Variants in PHYHIPL observed in about 807,000 individuals in gnomAD.
PHYHIPL encodes phytanoyl-CoA hydroxylase-interacting protein-like.
PHYHIPL carries 9 observed loss-of-function variants against 33.4 expected under a neutral mutation model. The ratio of observed to expected loss-of-function variants is 0.27; its 90% confidence interval spans 0.16 to 0.47. PHYHIPL has a LOEUF of 0.47. Ranked by LOEUF, PHYHIPL falls within the 20% of genes least tolerant of loss-of-function variation. The probability of loss-of-function intolerance (pLI) is 0.99; values close to 1 mark genes in which losing one functional copy is unlikely to be tolerated. For synonymous variants in PHYHIPL, 153 were observed against 154.1 expected (o/e 0.99, Z 0.05); for missense variants, 365 against 460.7 (o/e 0.79, Z 1.90).
In PHYHIPL at chr10:59,214,985, T is replaced by C. The variant is rs1839574870; in HGVS notation, c.107-19319T>C. 3.9e-5 allele frequency among the ~76,000 whole-genome samples: 6 copies of C among 152,014 alleles called. No individual in the cohort carries two copies. The South Asian group carries it at 1.2e-3, about 31-fold the overall frequency. On this transcript the variant is annotated intron_variant, in intron 1 of 4. Transcript: ENST00000373880. ...GATGAATGTTTGTAGAGAGGAGAAT[T>C]GAGGGCTGGGTGTTGAAGTAAGTAG...
At chr10:59,182,051 T>C (rs561061116) in intron 1 of PHYHIPL, among the ~76,000 whole-genome samples, 4 of 152,232 alleles carry the variant, frequency 2.6e-5, no homozygotes, top group Non-Finnish European at 5.9e-5. Flanking sequence ...CTCTAACTTA[T>C]GTGAGTATAC....
chr10:59,186,154 G>A (rs1013383483), intron 1 of PHYHIPL, among the ~76,000 whole-genome samples: 15 of 152,136 alleles, frequency 9.9e-5, no homozygotes, highest in Non-Finnish European at 2.2e-4. Context: ...AAGGTGTAAG[G>A]AAGGGATCCA....
At chr10:59,175,542 G>A (rs2060928621), upstream of PHYHIPL, among the ~76,000 whole-genome samples, 2 of 152,036 alleles carry the variant, frequency 1.3e-5, no homozygotes, top group African/African-American at 4.8e-5. Flanking sequence ...AGAAAAGAGG[G>A]GACACTATTT....
intron 1 of PHYHIPL, among the ~76,000 whole-genome samples, chr10:59,212,524 A>T (rs1018433396): frequency 6.6e-6 from 1 of 152,176 alleles, no homozygotes; most frequent in Non-Finnish European, 1.5e-5. Flanking sequence ...AGCCATTCAA[A>T]CTGTGTTCAA....
intron 1 of PHYHIPL, among the ~76,000 whole-genome samples, chr10:59,217,110 T>C (rs773160104): frequency 6.6e-6 from 1 of 152,134 alleles, no homozygotes; most frequent in Non-Finnish European, 1.5e-5. Context: ...TGTTAAGTGA[T>C]AGTATACTAG....
At chr10:59,173,675 T>A (rs1354498942), upstream of PHYHIPL, among the ~76,000 whole-genome samples, 2 of 152,192 alleles carry the variant, frequency 1.3e-5, no homozygotes, top group Non-Finnish European at 2.9e-5. Flanking sequence ...AATGAGGATC[T>A]TATGACCTTC....
intron 4 of PHYHIPL, 106 bp from the exon 5 acceptor site, chr10:59,244,951 T>C (rs976170758): frequency 5.2e-5 from 60 of 1,144,190 alleles, no homozygotes; most frequent in Non-Finnish European, 7.2e-5. Flanking sequence ...AAGAGAGGTA[T>C]TCAGGCCTTT....
chr10:59,229,751 C>T lies in PHYHIPL; in HGVS notation c.107-4553C>T, dbSNP rs545713283. ...ACAGAAACAACTGGATTGGTTACTG[C>T]TCAGCATTTGCGTTACTTGAACAGT... is the stretch of plus-strand genomic sequence containing the variant. On this transcript the variant is annotated intron_variant, in intron 1 of 4. Transcript: ENST00000373880. 3.9e-4 allele frequency among the ~76,000 whole-genome samples: 60 copies of T among 152,260 alleles called. No homozygotes were observed. In the Middle Eastern group the frequency reaches 0.014, roughly 35 times the overall value.
chr10:59,194,897 T>A (rs1011664387), intron 1 of PHYHIPL, among the ~76,000 whole-genome samples: 3 of 152,228 alleles, frequency 2.0e-5, no homozygotes, highest in Non-Finnish European at 4.4e-5. Flanking sequence ...GCTGAATTTC[T>A]GGCATTTACC....
At position 59,191,403 on chromosome 10, in the gene PHYHIPL, T is replaced by C. The variant is rs150087269; in HGVS notation, c.106+14444T>C. ...ATGCAACATTTGATAAGGTTTTCTC[T>C]AATTGTGTATGCTTTTGTTCATAGG... On this transcript the variant is annotated intron_variant, in intron 1 of 4. Coordinates refer to ENST00000373880, the MANE Select transcript of PHYHIPL (RefSeq NM_032439.4). Among the ~76,000 whole-genome samples, 908 of 152,142 alleles carry C rather than the reference T, an allele frequency of 6.0e-3. 3 individuals are homozygous for C. Among genetic ancestry groups the C allele is most frequent in the Admixed American group, 0.019 (291 of 15,264 alleles).
At chr10:59,182,271 A>T in intron 1 of PHYHIPL, among the ~76,000 whole-genome samples, 2 of 151,988 alleles carry the variant, frequency 1.3e-5, no homozygotes, top group African/African-American at 4.8e-5. Context: ...GAATCTTTTT[A>T]TCCTTTATTA....
At chr10:59,187,580 G>A (rs1304725311) in intron 1 of PHYHIPL, among the ~76,000 whole-genome samples, 2 of 152,128 alleles carry the variant, frequency 1.3e-5, no homozygotes, top group African/African-American at 2.4e-5. Flanking sequence ...ATTTGGCTGC[G>A]AATCCATCTG....
chr10:59,177,012 G>A, intron 1 of PHYHIPL, 53 bp downstream of exon 1: 4 of 1,524,744 alleles, frequency 2.6e-6, no homozygotes, highest in Non-Finnish European at 3.6e-6. Context: ...CCGAGGCGCC[G>A]GGGCCACTCT....
chr10:59,187,264 G>A lies in PHYHIPL; in HGVS notation c.106+10305G>A, dbSNP rs190649685. Among the ~76,000 whole-genome samples, 408 of 152,196 alleles carry A rather than the reference G, an allele frequency of 2.7e-3. 2 individuals carry two copies. Among genetic ancestry groups the A allele is most frequent in the African/African-American group, 9.2e-3 (381 of 41,526 alleles). On this transcript the variant is annotated intron_variant, in intron 1 of 4. Coordinates refer to ENST00000373880, the MANE Select transcript of PHYHIPL (RefSeq NM_032439.4). ...TGGTTCTGTTTATAGGCTGGATTACGTTTATTGATTTGCGTATGTTGAACC... is the reference window on the plus strand; with the variant it reads ...TGGTTCTGTTTATAGGCTGGATTACATTTATTGATTTGCGTATGTTGAACC...
chr10:59,184,617 A>G (rs938771727), intron 1 of PHYHIPL, among the ~76,000 whole-genome samples: 1 of 150,868 alleles, frequency 6.6e-6, no homozygotes. Context: ...AGTGACGGAA[A>G]CAGGCCCTAG....
rs71006239 is a variant in PHYHIPL, at chr10:59,244,562, C to CAAA, written c.597-473_597-471dup. The stretch of plus-strand genomic sequence containing the variant: ...CTGGCAACAGAGTGAGACTCTGTCT[C>CAAA]AAAAAAAAAAAAAAAAAAAAAAAAG... On this transcript the variant is annotated intron_variant, in intron 4 of 4. Transcript: ENST00000373880. Among the ~76,000 whole-genome samples, 79 of 39,486 alleles carry CAAA rather than the reference C, an allele frequency of 2.0e-3. 7 individuals carry two copies. The highest frequency in any genetic ancestry group is 5.0e-3 in the African/African-American group (60 of 12,028). 25.9% of individuals were successfully genotyped at this position (39,486 alleles called of 152,430 possible). A position where few individuals can be genotyped will look rare whatever the true frequency, so the allele number is the denominator to read the frequency against.
At chr10:59,236,917 T>C (rs528119035) in intron 3 of PHYHIPL, among the ~76,000 whole-genome samples, 2 of 151,982 alleles carry the variant, frequency 1.3e-5, no homozygotes, top group Admixed American at 6.6e-5. Context: ...ATGAAAGCTA[T>C]GCAAATAAAA....
chr10:59,223,574 A>G (rs1309511384), intron 1 of PHYHIPL, among the ~76,000 whole-genome samples: 2 of 152,228 alleles, frequency 1.3e-5, no homozygotes, highest in African/African-American at 4.8e-5. Context: ...ATGGGAAACC[A>G]CTGAATAATG....
intron 1 of PHYHIPL, among the ~76,000 whole-genome samples, chr10:59,217,952 T>G (rs1300513896): frequency 6.6e-6 from 1 of 152,122 alleles, no homozygotes; most frequent in African/African-American, 2.4e-5. Context: ...TATACTCTAT[T>G]CATTCATTGC....
Sources: gnomAD v4.1 joint callset for allele counts (sites outside exome capture counted in the v4.1 genomes callset) on GRCh38, gnomAD v4.1.1 for gene constraint, MANE v1.5 for transcripts, NCBI Gene and HGNC (gene_info 2026-07-23, HGNC 2026-07-21) for gene names.